PTPRD: variants seen among roughly 807,000 people sequenced by gnomAD.
The protein encoded by PTPRD is receptor-type tyrosine-protein phosphatase delta.
In PTPRD, 34 loss-of-function variants were observed where a neutral mutation model predicts 214.5. That is an observed-to-expected ratio of 0.16 (90% CI 0.12 to 0.21). The LOEUF is 0.21. Among genes scored for constraint, PTPRD ranks in the 10% least tolerant of loss-of-function variants. PTPRD has a pLI of 1.00. For synonymous variants in PTPRD, 1,128 were observed against 845.7 expected (o/e 1.33, Z -5.79); for missense variants, 2,545 against 2,398.7 (o/e 1.06, Z -1.27).
rs145026038 is a variant in PTPRD, at chr9:8,540,412, T to C, written c.353-11633A>G. 1.6e-3 allele frequency among the ~76,000 whole-genome samples: 242 copies of C among 152,196 alleles called. 1 individual carries two copies. Among genetic ancestry groups the C allele is most frequent in the African/African-American group, 5.5e-3 (230 of 41,554 alleles). On this transcript the variant is annotated intron_variant, in intron 14 of 45. Coordinates refer to ENST00000381196, the MANE Select transcript of PTPRD (RefSeq NM_002839.4). The stretch of plus-strand genomic sequence containing the variant: ...AACTCTAAAAATACATGAATTCCTA[T>C]AAAATTAAGGCATAAGTATTTAATT...
At chr9:9,424,330 G>A (rs2080002756) in intron 8 of PTPRD, among the ~76,000 whole-genome samples, 1 of 152,142 alleles carries the variant, frequency 6.6e-6, no homozygotes, top group African/African-American at 2.4e-5. Flanking sequence ...GTTGGTGCTG[G>A]TAATGTTCGA....
chr9:8,518,135 C>G lies in PTPRD; in HGVS notation c.1256G>C (p.Ser419Thr), dbSNP rs2138524937. 6.2e-7 allele frequency: 1 copy of G among 1,614,146 alleles called. No homozygotes were observed. Among genetic ancestry groups the G allele is most frequent in the Non-Finnish European group, 8.5e-7 (1 of 1,180,018 alleles). ...TCGTGCCTGGACATCCCTCGGGGCA[C>G]TGGATGGTGCTTGCTCTGAGGTTTG... ...LTQTSEQAPS[S>T]APRDVQARML... Residue 419 changes from serine to threonine, a missense_variant, in exon 21 of 46, where the codon AGT becomes ACT. Ser to Thr is a moderately conservative substitution (Grantham distance 58). Coordinates refer to ENST00000381196, the MANE Select transcript of PTPRD (RefSeq NM_002839.4).
chr9:9,786,051 C>A (rs559545271), intron 5 of PTPRD, among the ~76,000 whole-genome samples: 4 of 152,280 alleles, frequency 2.6e-5, no homozygotes, highest in African/African-American at 9.6e-5. Flanking sequence ...TATATTACTT[C>A]TCCATATTTC....
intron 11 of PTPRD, among the ~76,000 whole-genome samples, chr9:8,804,502 A>ATTGCTCC (rs2096635383): frequency 6.6e-6 from 1 of 151,946 alleles, no homozygotes; most frequent in African/African-American, 2.4e-5. Context: ...GGAGGCTGGG[A>ATTGCTCC]CGGGAGGATT....
chr9:9,012,383 A>G (rs368053545), intron 11 of PTPRD, among the ~76,000 whole-genome samples: 11 of 152,196 alleles, frequency 7.2e-5, no homozygotes, highest in African/African-American at 1.2e-4. Flanking sequence ...TAGAACACTA[A>G]CAAACCTGCC....
At chr9:10,604,721 A>G (rs994674430) in intron 2 of PTPRD, among the ~76,000 whole-genome samples, 1 of 151,888 alleles carries the variant, frequency 6.6e-6, no homozygotes, top group African/African-American at 2.4e-5. Context: ...CTTACACACT[A>G]AAATTATAAG....
chr9:8,468,187 G>A (rs1031114534), intron 31 of PTPRD, among the ~76,000 whole-genome samples: 3 of 151,924 alleles, frequency 2.0e-5, no homozygotes, highest in African/African-American at 7.2e-5. Flanking sequence ...GTCAAACCTG[G>A]AGCATCACTC....
intron 2 of PTPRD, among the ~76,000 whole-genome samples, chr9:10,478,514 T>G (rs894917645): frequency 6.6e-6 from 1 of 152,162 alleles, no homozygotes; most frequent in Non-Finnish European, 1.5e-5. Context: ...TCTATAGCAC[T>G]GTGCCCTTTA....
chr9:8,675,404 CG>C (rs1305048478), intron 12 of PTPRD, among the ~76,000 whole-genome samples: 1 of 151,696 alleles, frequency 6.6e-6, no homozygotes, highest in Non-Finnish European at 1.5e-5. Flanking sequence ...TGAGCTTCAA[CG>C]TAAGTATTGT....
chr9:10,163,060 G>T (rs934635968), intron 3 of PTPRD, among the ~76,000 whole-genome samples: 3 of 150,672 alleles, frequency 2.0e-5, no homozygotes, highest in African/African-American at 7.3e-5. Context: ...CAAAGAGGGG[G>T]AAAGAAATAA....
intron 2 of PTPRD, among the ~76,000 whole-genome samples, chr9:10,341,706 C>T (rs1216852040): frequency 6.6e-6 from 1 of 151,966 alleles, no homozygotes; most frequent in Admixed American, 6.6e-5. Flanking sequence ...TACAAAACCT[C>T]TCTAAACTGC....
intron 8 of PTPRD, among the ~76,000 whole-genome samples, chr9:9,434,864 T>A (rs1355551464): frequency 2.0e-5 from 3 of 148,500 alleles, no homozygotes; most frequent in Non-Finnish European, 4.5e-5. Flanking sequence ...ATATATAATC[T>A]ATAATATATA....
rs1201987854 is a variant in PTPRD, at chr9:10,312,232, G to A, written c.-545+28731C>T. On this transcript the variant is annotated intron_variant, in intron 3 of 45. Coordinates refer to ENST00000381196, the MANE Select transcript of PTPRD (RefSeq NM_002839.4). ...ATTACATACTCCAGTGCCAACATTG[G>A]AATAAAAAGGTAAAGTAAATTATTT... Among the ~76,000 whole-genome samples, 3 of 151,858 alleles carry A rather than the reference G, an allele frequency of 2.0e-5. No homozygotes were observed. In the East Asian group the frequency reaches 5.8e-4, roughly 29 times the overall value.
chr9:9,444,363 T>C (rs904407258), intron 8 of PTPRD, among the ~76,000 whole-genome samples: 28 of 152,202 alleles, frequency 1.8e-4, no homozygotes, highest in Non-Finnish European at 3.5e-4. Context: ...GTCTTTCATC[T>C]GAGTTATGTA....
At chr9:9,044,949 A>C (rs2099667496) in intron 10 of PTPRD, among the ~76,000 whole-genome samples, 1 of 152,192 alleles carries the variant, frequency 6.6e-6, no homozygotes, top group African/African-American at 2.4e-5. Flanking sequence ...TTAGGACAAT[A>C]ATTTTGCTTA....
chr9:10,442,657 C>CA (rs1297907550), intron 2 of PTPRD, among the ~76,000 whole-genome samples: 1 of 151,476 alleles, frequency 6.6e-6, no homozygotes, highest in Non-Finnish European at 1.5e-5. Flanking sequence ...TGAGTTCTTG[C>CA]AAGAAATGTT....
intron 14 of PTPRD, among the ~76,000 whole-genome samples, chr9:8,591,893 A>G (rs2094134019): frequency 6.6e-6 from 1 of 152,258 alleles, no homozygotes; most frequent in Non-Finnish European, 1.5e-5. Flanking sequence ...AATAAGTTTA[A>G]TTCCCTTCCT....
chr9:9,506,159 T>C (rs913233828), intron 8 of PTPRD, among the ~76,000 whole-genome samples: 2 of 151,518 alleles, frequency 1.3e-5, no homozygotes, highest in Non-Finnish European at 3.0e-5. Context: ...AAATAGTCTA[T>C]AGTATTTCAC....
At chr9:9,799,626 T>C (rs2099025815) in intron 5 of PTPRD, 1 of 152,170 alleles carries the variant, frequency 6.6e-6, no homozygotes, top group African/African-American at 2.4e-5. Context: ...ATACATTTGC[T>C]AATGCTAAAA....
Sources: allele counts gnomAD v4.1 joint callset (sites outside exome capture counted in the v4.1 genomes callset), GRCh38; gene constraint gnomAD v4.1.1; transcripts MANE v1.5; gene names NCBI Gene and HGNC (gene_info 2026-07-23, HGNC 2026-07-21).